CDK14: variants seen among roughly 807,000 people sequenced by gnomAD.
CDK14 encodes the protein cyclin-dependent kinase 14.
CDK14 carries 34 observed loss-of-function variants against 60.7 expected under a neutral mutation model. The ratio of observed to expected loss-of-function variants is 0.56; its 90% CI spans 0.43 to 0.75. CDK14 has a LOEUF of 0.75. CDK14 is among the 30% of genes least tolerant of loss of function. The pLI, the probability that CDK14 is intolerant of heterozygous loss-of-function variation, is 0.00. For synonymous variants in CDK14, 197 were observed against 203.7 expected, an observed-to-expected ratio of 0.97 and a Z score of 0.28; for missense variants, 482 against 564.1, an observed-to-expected ratio of 0.85 and a Z score of 1.47.
chr7:90,892,100 G>C (rs1458122958), intron 6 of CDK14, among the ~76,000 whole-genome samples: 2 of 152,174 alleles, frequency 1.3e-5, no homozygotes, highest in Admixed American at 1.3e-4. Flanking sequence ...CCAAGAGGTG[G>C]TCTGAGTTTC....
chr7:90,685,039 G>C (rs1417442913), intron 2 of CDK14, among the ~76,000 whole-genome samples: 1 of 148,710 alleles, frequency 6.7e-6, no homozygotes, highest in Admixed American at 6.7e-5. Flanking sequence ...TTCTGGTTTT[G>C]GGGTATGTTT....
intron 14 of CDK14, among the ~76,000 whole-genome samples, chr7:91,162,550 C>A (rs976378025): frequency 2.0e-5 from 3 of 152,112 alleles, no homozygotes; most frequent in African/African-American, 7.2e-5. Context: ...CAGCTGTTGG[C>A]CTATAGAGCA....
intron 4 of CDK14, among the ~76,000 whole-genome samples, chr7:90,761,332 T>G (rs77390621): frequency 6.3e-4 from 47 of 74,856 alleles, no homozygotes; most frequent in African/African-American, 2.0e-3. Context: ...CTCTTTGGGG[T>G]TTTTTTTTTT....
chr7:90,728,457 T>C (rs749943272), intron 3 of CDK14, among the ~76,000 whole-genome samples: 1 of 152,008 alleles, frequency 6.6e-6, no homozygotes. Flanking sequence ...AACCCTTCAA[T>C]TGGATTTTTA....
At chr7:91,142,019 G>T (rs149839595) in intron 14 of CDK14, among the ~76,000 whole-genome samples, 6,192 of 152,108 alleles carry the variant, frequency 0.041, 208 homozygotes, top group Admixed American at 0.086. Context: ...TAGAGACGGG[G>T]TTTCACCATG....
At chr7:90,754,652 G>T (rs1290902034) in intron 4 of CDK14, among the ~76,000 whole-genome samples, 2 of 152,104 alleles carry the variant, frequency 1.3e-5, no homozygotes, top group South Asian at 2.1e-4. Flanking sequence ...AAGAGTTTCT[G>T]CACAGCAAAA....
chr7:91,127,495 G>A (rs1178166030), intron 14 of CDK14, among the ~76,000 whole-genome samples: 1 of 152,160 alleles, frequency 6.6e-6, no homozygotes, highest in Non-Finnish European at 1.5e-5. Flanking sequence ...TTTATACTCA[G>A]TGGTTAGCTA....
intron 9 of CDK14, among the ~76,000 whole-genome samples, chr7:90,981,210 C>G (rs1795218663): frequency 6.6e-6 from 1 of 152,182 alleles, no homozygotes; most frequent in South Asian, 2.1e-4. Flanking sequence ...AGCCACCGTA[C>G]TAAAAATTTA....
At chr7:90,765,264 T>C (rs76047380) in intron 4 of CDK14, among the ~76,000 whole-genome samples, 1 of 152,212 alleles carries the variant, frequency 6.6e-6, no homozygotes, top group African/African-American at 2.4e-5. Context: ...ATTTTTTTTT[T>C]ACTACTTGTT....
intron 2 of CDK14, among the ~76,000 whole-genome samples, chr7:90,656,383 C>CT (rs5885737): frequency 0.59 from 81,623 of 139,500 alleles, 24,055 homozygotes; most frequent in East Asian, 0.76. Flanking sequence ...TTCTTTCTTT[C>CT]TTTTTTTTTT....
chr7:90,773,693 T>C (rs568266725), intron 4 of CDK14, among the ~76,000 whole-genome samples: 1 of 152,110 alleles, frequency 6.6e-6, no homozygotes, highest in African/African-American at 2.4e-5. Flanking sequence ...TTAAAGACTG[T>C]TATCTTGATT....
chr7:91,188,548 A>G (rs1167240332), intron 14 of CDK14, among the ~76,000 whole-genome samples: 2 of 150,910 alleles, frequency 1.3e-5, no homozygotes, highest in Non-Finnish European at 3.0e-5. Context: ...GTGTAGATGG[A>G]TGGATGGATG....
At chr7:91,147,292 G>C in intron 14 of CDK14, among the ~76,000 whole-genome samples, 1 of 150,776 alleles carries the variant, frequency 6.6e-6, no homozygotes, top group East Asian at 1.9e-4. Flanking sequence ...TTTTTTGAGT[G>C]TACTCTCTCT....
At chr7:91,059,797 C>T (rs536580992) in intron 11 of CDK14, among the ~76,000 whole-genome samples, 2 of 152,326 alleles carry the variant, frequency 1.3e-5, no homozygotes, top group South Asian at 4.1e-4. Flanking sequence ...TGTTCTTTTA[C>T]ATTTGCTGAG....
At chr7:91,109,836 G>A (rs1030444426) in intron 12 of CDK14, among the ~76,000 whole-genome samples, 6 of 151,974 alleles carry the variant, frequency 3.9e-5, no homozygotes, top group African/African-American at 1.4e-4. Context: ...ATGAACTTTA[G>A]CCTAGAAAGC....
chr7:91,158,734 C>T (rs981772913), intron 14 of CDK14, among the ~76,000 whole-genome samples: 1 of 152,126 alleles, frequency 6.6e-6, no homozygotes, highest in Non-Finnish European at 1.5e-5. Flanking sequence ...TAAGTGGTCC[C>T]TCTACCCCGT....
intron 14 of CDK14, among the ~76,000 whole-genome samples, chr7:91,127,807 G>C (rs1194860392): frequency 6.6e-6 from 1 of 152,066 alleles, no homozygotes; most frequent in African/African-American, 2.4e-5. Flanking sequence ...TGCTGTTATA[G>C]AGGAAATTAA....
At chr7:90,736,243 T>A (rs957072950) in intron 3 of CDK14, among the ~76,000 whole-genome samples, 3 of 110,678 alleles carry the variant, frequency 2.7e-5, no homozygotes, top group Non-Finnish European at 6.0e-5. Flanking sequence ...CGCTGGGAGC[T>A]GCAGATGGGA....
intron 11 of CDK14, among the ~76,000 whole-genome samples, chr7:91,055,910 A>G (rs1797536018): frequency 6.6e-6 from 1 of 152,212 alleles, no homozygotes; most frequent in Admixed American, 6.5e-5. Context: ...AACTGGCCGT[A>G]CACTTTTAAT....
Sources: gnomAD v4.1 joint callset for allele counts (sites outside exome capture counted in the v4.1 genomes callset) on GRCh38, gnomAD v4.1.1 for gene constraint, MANE v1.5 for transcripts, NCBI Gene and HGNC (gene_info 2026-07-23, HGNC 2026-07-21) for gene names.